PPP1R1C: variants seen among roughly 807,000 people sequenced by gnomAD.
The protein encoded by PPP1R1C is protein phosphatase 1 regulatory subunit 1C.
Under a neutral mutation model 17.4 loss-of-function variants are expected in PPP1R1C, and 15 were observed. The ratio of observed to expected loss-of-function variants is 0.86; its 90% CI spans 0.58 to 1.33. The LOEUF is 1.33. Ranked by LOEUF, PPP1R1C falls within the 40% of genes most tolerant of loss-of-function variation. PPP1R1C has a pLI of 0.00. For missense variants in PPP1R1C, 143 were observed against 130.0 expected (o/e 1.10, Z -0.48); for synonymous variants, 35 against 43.1 (o/e 0.81, Z 0.73).
chr2:182,090,722 C>T (rs767193095), intron 4 of PPP1R1C, among the ~76,000 whole-genome samples: 2 of 152,058 alleles, frequency 1.3e-5, no homozygotes, highest in East Asian at 1.9e-4. Context: ...AGGTTTTGAA[C>T]GTCAAGTGTT....
chr2:181,980,170 G>A (rs1046420488), intron 2 of PPP1R1C, among the ~76,000 whole-genome samples: 4 of 152,152 alleles, frequency 2.6e-5, no homozygotes, highest in Admixed American at 2.6e-4. Flanking sequence ...TTTGTTGGAT[G>A]TATAAATAAT....
chr2:182,003,763 T>A (rs2125150877), intron 2 of PPP1R1C, among the ~76,000 whole-genome samples: 1 of 151,738 alleles, frequency 6.6e-6, no homozygotes, highest in East Asian at 1.9e-4. Flanking sequence ...CAAATTTAAT[T>A]ATTAAAAAAA....
chr2:182,049,568 G>C (rs947267105), intron 2 of PPP1R1C, among the ~76,000 whole-genome samples: 1 of 152,040 alleles, frequency 6.6e-6, no homozygotes, highest in African/African-American at 2.4e-5. Flanking sequence ...TTATTACACA[G>C]AGGGGTGGAA....
At chr2:182,031,797 CTA>C (rs1686848944) in intron 2 of PPP1R1C, among the ~76,000 whole-genome samples, 1 of 152,174 alleles carries the variant, frequency 6.6e-6, no homozygotes, top group African/African-American at 2.4e-5. Context: ...ATATATTCTA[CTA>C]TGAGTAATTC....
chr2:182,069,328 G>T (rs532864997), intron 4 of PPP1R1C, among the ~76,000 whole-genome samples: 192 of 150,966 alleles, frequency 1.3e-3, no homozygotes, highest in African/African-American at 4.3e-3. Flanking sequence ...CACTTCCTCT[G>T]GTTCTCTTTA....
At chr2:182,129,281 A>C (rs1483173176) in exon 6 of PPP1R1C, 1 of 152,168 alleles carries the variant, frequency 6.6e-6, no homozygotes. Flanking sequence ...GAGTTTAGGT[A>C]CATTTTAAGT....
rs188873838 is a variant in PPP1R1C at position 181,962,233 on chromosome 2, C to T, written n.111+7599C>T. 1.6e-3 allele frequency: 1,138 copies of T among 733,854 alleles called. 9 individuals carry two copies. The highest frequency in any genetic ancestry group is 8.4e-3 in the Middle Eastern group (31 of 3,684). 45.5% of individuals were successfully genotyped at this position (733,854 alleles called of 1,614,324 possible). Reference sequence around the variant, plus strand: ...GACGGTCATTCAGGCTTTGCATTGTCTCCTTCTTATTCTGGATGCCTCCCA... The same window carrying T: ...GACGGTCATTCAGGCTTTGCATTGTTTCCTTCTTATTCTGGATGCCTCCCA... On this transcript the variant is annotated intron_variant and non_coding_transcript_variant, in intron 1 of 5. Coordinates refer to the PPP1R1C transcript ENST00000464264. This position sits in a 1 kb window ranked among gnomAD's most constrained non-coding sequence, Gnocchi z 6.0.
chr2:182,048,750 G>C (rs2125186125), intron 2 of PPP1R1C: 1 of 152,220 alleles, frequency 6.6e-6, no homozygotes, highest in South Asian at 2.1e-4. Context: ...AACTGTAGAT[G>C]ACCTAGTCAA....
At chr2:182,006,141 A>C (rs1377899945) in intron 2 of PPP1R1C, among the ~76,000 whole-genome samples, 1 of 152,174 alleles carries the variant, frequency 6.6e-6, no homozygotes, top group African/African-American at 2.4e-5. Context: ...AAGGGTCCCC[A>C]AAGATCAGTA....
chr2:182,048,979 G>A (rs1212655519), intron 2 of PPP1R1C: 2 of 152,202 alleles, frequency 1.3e-5, no homozygotes, highest in African/African-American at 4.8e-5. Context: ...TGTTTTCAGA[G>A]ATCTGATGGT....
intron 2 of PPP1R1C, among the ~76,000 whole-genome samples, chr2:181,977,128 T>C (rs1685105633): frequency 2.0e-5 from 1 of 49,474 alleles, no homozygotes; most frequent in South Asian, 7.9e-4. Flanking sequence ...AGTGAGAATC[T>C]ATCTAAAAAA....
chr2:182,078,703 T>A (rs1688387562), intron 4 of PPP1R1C, among the ~76,000 whole-genome samples: 1 of 152,226 alleles, frequency 6.6e-6, no homozygotes, highest in African/African-American at 2.4e-5. Context: ...GTCGTCTTCT[T>A]CCAGTTATTT....
chr2:182,088,781 A>G lies in PPP1R1C; in HGVS notation c.241+24990A>G, dbSNP rs143015425. On this transcript the variant is annotated intron_variant, in intron 4 of 4. Coordinates refer to ENST00000682840, the MANE Select transcript of PPP1R1C (RefSeq NM_001080545.3). ...TAGTCCTATGTGTTTGGTTTAATGT[A>G]ATTAAGACTAATACAAACCAATTTG... is the stretch of plus-strand genomic sequence containing the variant. Among the ~76,000 whole-genome samples, 700 of 152,344 alleles carry G rather than the reference A, an allele frequency of 4.6e-3. 6 individuals carry two copies. The highest frequency in any genetic ancestry group is 0.036 in the South Asian group (174 of 4,826).
At chr2:182,010,829 A>G (rs1363492623) in intron 2 of PPP1R1C, among the ~76,000 whole-genome samples, 1 of 151,954 alleles carries the variant, frequency 6.6e-6, no homozygotes, top group Non-Finnish European at 1.5e-5. Flanking sequence ...TTTTTATCAT[A>G]CAGGGATACT....
chr2:181,956,206 T>C (rs1684667370), intron 1 of PPP1R1C, among the ~76,000 whole-genome samples: 1 of 152,222 alleles, frequency 6.6e-6, no homozygotes, highest in African/African-American at 2.4e-5. Context: ...GCTTCATCCA[T>C]GTCCTTGCAA....
chr2:182,114,642 A>C (rs1689529277), intron 4 of PPP1R1C, among the ~76,000 whole-genome samples: 1 of 152,084 alleles, frequency 6.6e-6, no homozygotes, highest in African/African-American at 2.4e-5. Context: ...ATTAGAGTAA[A>C]CTGCTTTGGG....
At chr2:182,120,549 CTTTG>C (rs1177391046), downstream of PPP1R1C, among the ~76,000 whole-genome samples, 1 of 152,138 alleles carries the variant, frequency 6.6e-6, no homozygotes, top group Non-Finnish European at 1.5e-5. Context: ...TGCTATGACT[CTTTG>C]TTTATTTCTC....
intron 4 of PPP1R1C, among the ~76,000 whole-genome samples, chr2:182,100,892 A>G (rs143977385): frequency 5.3e-4 from 81 of 152,310 alleles, no homozygotes; most frequent in African/African-American, 1.9e-3. Flanking sequence ...GATTGTCCCA[A>G]TGGTCAGAGG....
chr2:182,040,168 C>A (rs1405431222), intron 2 of PPP1R1C, among the ~76,000 whole-genome samples: 2 of 152,124 alleles, frequency 1.3e-5, no homozygotes, highest in Admixed American at 1.3e-4. Flanking sequence ...GGTAGATACC[C>A]AGTAGTGAGA....
Sources: allele counts gnomAD v4.1 joint callset (sites outside exome capture counted in the v4.1 genomes callset), GRCh38; gene constraint gnomAD v4.1.1; non-coding constraint Gnocchi (gnomAD v3.1); transcripts MANE v1.5; gene names NCBI Gene and HGNC (gene_info 2026-07-23, HGNC 2026-07-21).